Variants in RGS5 observed in about 807,000 individuals in gnomAD.
RGS5 encodes regulator of G protein signaling 5.
RGS5 carries 20 observed loss-of-function variants against 18.9 expected under a neutral mutation model. The observed-to-expected ratio is 1.06, with a 90% CI of 0.74 to 1.54. The LOEUF is 1.54. Among genes scored for constraint, RGS5 ranks in the 40% most tolerant of loss-of-function variants. The pLI, the probability that RGS5 is intolerant of heterozygous loss-of-function variation, is 0.00. For missense variants in RGS5, 201 were observed against 211.8 expected, an observed-to-expected ratio of 0.95 and a Z score of 0.32; for synonymous variants, 57 against 76.2, an observed-to-expected ratio of 0.75 and a Z score of 1.31.
At chr1:163,201,419 T>C (rs1404557655) in intron 1 of RGS5, among the ~76,000 whole-genome samples, 2 of 152,152 alleles carry the variant, frequency 1.3e-5, no homozygotes, top group Admixed American at 1.3e-4. Context: ...TAGACAATAT[T>C]GATCCCTTAT....
intron 1 of RGS5, among the ~76,000 whole-genome samples, chr1:163,315,972 A>C (rs757604756): frequency 2.6e-5 from 4 of 152,208 alleles, no homozygotes; most frequent in Non-Finnish European, 5.9e-5. Flanking sequence ...CTAATGCAAC[A>C]GCGCCACCCA....
At chr1:163,151,616 G>T (rs527838325) in intron 4 of RGS5, among the ~76,000 whole-genome samples, 1 of 152,136 alleles carries the variant, frequency 6.6e-6, no homozygotes, top group Admixed American at 6.5e-5. Flanking sequence ...AGATCTGATG[G>T]TTTTATAAGG....
At chr1:163,175,999 G>A (rs1571242947) in intron 1 of RGS5, among the ~76,000 whole-genome samples, 1 of 152,128 alleles carries the variant, frequency 6.6e-6, no homozygotes, top group East Asian at 1.9e-4. Flanking sequence ...TCATATTAGT[G>A]ATTAATTACA....
intron 2 of RGS5, among the ~76,000 whole-genome samples, chr1:163,225,433 A>ACACAACACAAAC (rs1459209714): frequency 3.9e-5 from 6 of 152,174 alleles, no homozygotes; most frequent in African/African-American, 1.4e-4. Flanking sequence ...AACATATAGA[A>ACACAACACAAAC]TTAAGTCTTG....
chr1:163,253,237 C>T (rs1426044870), intron 2 of RGS5, among the ~76,000 whole-genome samples: 1 of 152,170 alleles, frequency 6.6e-6, no homozygotes, highest in African/African-American at 2.4e-5. Flanking sequence ...CATACCAGTT[C>T]TCTCATCATT....
upstream of RGS5, chr1:163,203,084 A>T: frequency 2.1e-6 from 1 of 468,014 alleles, no homozygotes; most frequent in Admixed American, 3.4e-5. Context: ...CTGTGGCATA[A>T]GGCTTTCATC....
chr1:163,227,841 T>C (rs1017847058), intron 2 of RGS5, among the ~76,000 whole-genome samples: 1 of 152,194 alleles, frequency 6.6e-6, no homozygotes, highest in Non-Finnish European at 1.5e-5. Context: ...ACAAAGAGGC[T>C]ACAATCCCCA....
intron 1 of RGS5, among the ~76,000 whole-genome samples, chr1:163,190,675 G>A (rs1659307542): frequency 6.6e-6 from 1 of 152,226 alleles, no homozygotes; most frequent in Non-Finnish European, 1.5e-5. Flanking sequence ...ACAGCATCCT[G>A]TTGGAAGGCT....
At chr1:163,302,851 C>G (rs1257085595) in intron 2 of RGS5, among the ~76,000 whole-genome samples, 1 of 152,174 alleles carries the variant, frequency 6.6e-6, no homozygotes, top group Non-Finnish European at 1.5e-5. Context: ...TCTTCTCTTG[C>G]TTTTGTGGCT....
chr1:163,205,345 TAAAAAAAAAAAA>T (rs35747068), upstream of RGS5, among the ~76,000 whole-genome samples: 1 of 72,740 alleles, frequency 1.4e-5, no homozygotes, highest in Non-Finnish European at 2.6e-5. Context: ...TTAACCACAG[TAAAAAAAAAAAA>T]AAAAAAAAAA....
intron 2 of RGS5, among the ~76,000 whole-genome samples, chr1:163,165,541 T>C (rs1317805501): frequency 1.3e-5 from 2 of 152,078 alleles, no homozygotes; most frequent in East Asian, 1.9e-4. Flanking sequence ...TGAGCAACAG[T>C]GGGAGCACTT....
intron 2 of RGS5, among the ~76,000 whole-genome samples, chr1:163,281,887 C>T (rs899654388): frequency 6.6e-6 from 1 of 152,074 alleles, no homozygotes; most frequent in Non-Finnish European, 1.5e-5. Context: ...TGAAACTAGA[C>T]CCCTATTTCT....
intron 2 of RGS5, among the ~76,000 whole-genome samples, chr1:163,253,545 G>A (rs915966881): frequency 1.3e-5 from 2 of 151,036 alleles, no homozygotes; most frequent in African/African-American, 4.9e-5. Context: ...CCTGACCTCT[G>A]GCAATCCACC....
chr1:163,226,726 T>C (rs1297466285), intron 2 of RGS5, among the ~76,000 whole-genome samples: 1 of 152,140 alleles, frequency 6.6e-6, no homozygotes, highest in Non-Finnish European at 1.5e-5. Context: ...TGATTACAAA[T>C]AGGGCTAAGT....
chr1:163,200,522 A>G (rs1659737183), intron 1 of RGS5, among the ~76,000 whole-genome samples: 1 of 152,108 alleles, frequency 6.6e-6, no homozygotes, highest in Admixed American at 6.6e-5. Context: ...CAGGTTTGGA[A>G]GCATTTATTC....
At chr1:163,168,562 A>C (rs1446995497) in intron 1 of RGS5, among the ~76,000 whole-genome samples, 194 bp from the exon 2 acceptor site, 2 of 152,224 alleles carry the variant, frequency 1.3e-5, no homozygotes, top group Non-Finnish European at 2.9e-5. Flanking sequence ...TCAAGCTCTT[A>C]GTATGTCCTT....
intron 2 of RGS5, among the ~76,000 whole-genome samples, chr1:163,284,725 T>C (rs1509030): frequency 0.52 from 78,739 of 151,732 alleles, 20,801 homozygotes; most frequent in African/African-American, 0.59. Context: ...AGGATCTGTC[T>C]TCCCTCTTTC....
rs1032846591 is a variant in RGS5 at position 163,182,961 on chromosome 1, AG to A, written c.45-14594del. On this transcript the variant is annotated intron_variant, in intron 1 of 4. Coordinates refer to ENST00000313961, the MANE Select transcript of RGS5 (RefSeq NM_003617.4). ...AGTAAAAGGTATTGGAGAAGGAGGG[AG>A]GGAAAGAGGAGAAATGTAAAATTAA... Among the ~76,000 whole-genome samples, 7 of 124,524 alleles carry A rather than the reference AG, an allele frequency of 5.6e-5. No individual in the cohort carries two copies. The East Asian group carries it at 2.0e-3, about 36-fold the overall frequency. 81.7% of individuals were successfully genotyped at this position (124,524 alleles called of 152,430 possible).
intron 1 of RGS5, among the ~76,000 whole-genome samples, chr1:163,308,206 T>A (rs554187761): frequency 3.9e-5 from 6 of 152,334 alleles, no homozygotes; most frequent in Admixed American, 1.3e-4. Flanking sequence ...CAAGTGAATC[T>A]TAATCTTTTA....
Sources: gnomAD v4.1 joint callset for allele counts (sites outside exome capture counted in the v4.1 genomes callset) on GRCh38, gnomAD v4.1.1 for gene constraint, MANE v1.5 for transcripts, NCBI Gene and HGNC (gene_info 2026-07-23, HGNC 2026-07-21) for gene names.